ABCB10: variants seen among roughly 807,000 people sequenced by gnomAD.
ABCB10 encodes the protein ATP-binding cassette sub-family B member 10, mitochondrial.
A neutral mutation model predicts 65.4 loss-of-function variants in ABCB10; 54 were observed. The ratio of observed to expected loss-of-function variants is 0.83; its 90% CI spans 0.66 to 1.04. The LOEUF (loss-of-function observed/expected upper bound fraction) is 1.04, where lower values mean the gene tolerates loss of function less well. Ranked by LOEUF, ABCB10 falls within the 50% of genes least tolerant of loss-of-function variation. The pLI is 0.00. For synonymous variants in ABCB10, 418 were observed against 406.5 expected, an observed-to-expected ratio of 1.03 and a Z score of -0.34; for missense variants, 846 against 976.6, an observed-to-expected ratio of 0.87 and a Z score of 1.78.
intron 4 of ABCB10, among the ~76,000 whole-genome samples, 170 bp downstream of exon 4, chr1:229,542,067 T>C (rs778448987): frequency 7.9e-5 from 12 of 152,130 alleles, no homozygotes; most frequent in Non-Finnish European, 1.6e-4. Flanking sequence ...AGAAATCTAG[T>C]CTAGAAAACA....
intron 9 of ABCB10, 61 bp downstream of exon 9, chr1:229,527,168 A>T: frequency 1.4e-6 from 2 of 1,461,594 alleles, no homozygotes; most frequent in Non-Finnish European, 1.9e-6. Context: ...AAAAAAAAAA[A>T]GCAAAAGACA....
chr1:229,545,183 C>G lies in ABCB10; in HGVS notation c.921+2316G>C, dbSNP rs377691670. On this transcript the variant is annotated intron_variant, in intron 3 of 12. Coordinates refer to ENST00000344517, the MANE Select transcript of ABCB10 (RefSeq NM_012089.3). ...CAAAAAGTACCCCAAGTGATTTTTC[C>G]CAGCTTGAACTCTTCCTGATCCCCA... 4.6e-5 allele frequency among the ~76,000 whole-genome samples: 7 copies of G among 152,274 alleles called. No homozygotes were observed. The East Asian group carries it at 5.8e-4, about 13-fold the overall frequency.
chr1:229,534,576 ACAAAAATTAGGC>A (rs1662661919), intron 6 of ABCB10, among the ~76,000 whole-genome samples: 1 of 151,588 alleles, frequency 6.6e-6, no homozygotes, highest in African/African-American at 2.4e-5. Flanking sequence ...AAAAAAAAAT[ACAAAAATTAGGC>A]CAGGCGTGGA....
At chr1:229,546,271 T>C (rs1662965322) in intron 3 of ABCB10, among the ~76,000 whole-genome samples, 1 of 152,180 alleles carries the variant, frequency 6.6e-6, no homozygotes, top group East Asian at 1.9e-4. Flanking sequence ...CATTTCTTTT[T>C]TCTAGCTTAC....
intron 3 of ABCB10, among the ~76,000 whole-genome samples, chr1:229,543,699 A>C (rs561424340): frequency 2.0e-5 from 3 of 152,338 alleles, no homozygotes; most frequent in Admixed American, 2.0e-4. Context: ...TGCAGATGTA[A>C]CACAATCTTG....
At chr1:229,547,792 G>T in intron 2 of ABCB10, 91 bp from the exon 3 acceptor site, 1 of 1,262,846 alleles carries the variant, frequency 7.9e-7, no homozygotes, top group Non-Finnish European at 1.1e-6. Flanking sequence ...GCTTGGCCTG[G>T]AGTTGTAACC....
intron 2 of ABCB10, 58 bp from the exon 3 acceptor site, chr1:229,547,759 G>C: frequency 6.4e-7 from 1 of 1,562,224 alleles, no homozygotes; most frequent in Non-Finnish European, 8.8e-7. Context: ...TACCATTATG[G>C]GGCAGCCACT....
intron 6 of ABCB10, among the ~76,000 whole-genome samples, chr1:229,532,508 G>A (rs1403784348): frequency 6.6e-6 from 1 of 151,516 alleles, no homozygotes; most frequent in Non-Finnish European, 1.5e-5. Flanking sequence ...ACTTTGATAC[G>A]CTACTCACAT....
chr1:229,557,907 A>C (rs969424339), intron 1 of ABCB10, among the ~76,000 whole-genome samples: 14 of 152,232 alleles, frequency 9.2e-5, no homozygotes, highest in Admixed American at 5.2e-4. Flanking sequence ...ACGTGTGTCA[A>C]CAAGAAAACA....
chr1:229,537,798 TAAAC>T (rs199948647), intron 6 of ABCB10, among the ~76,000 whole-genome samples: 507 of 150,936 alleles, frequency 3.4e-3, no homozygotes, highest in Non-Finnish European at 4.4e-3. Context: ...TCCAAATAAA[TAAAC>T]AAACAAACAA....
intron 9 of ABCB10, 50 bp downstream of exon 9, chr1:229,527,179 A>G: frequency 6.5e-7 from 1 of 1,540,928 alleles, no homozygotes; most frequent in Non-Finnish European, 8.8e-7. Context: ...GCAAAAGACA[A>G]AAGTAATTTT....
intron 9 of ABCB10, 35 bp downstream of exon 9, chr1:229,527,194 G>A: frequency 6.7e-7 from 1 of 1,492,060 alleles, no homozygotes; most frequent in Non-Finnish European, 9.2e-7. Flanking sequence ...AATTTTAAAA[G>A]AAAGTGAAAT....
At chr1:229,549,210 A>G (rs1408352951) in intron 2 of ABCB10, 24 bp downstream of exon 2, 1 of 1,612,938 alleles carries the variant, frequency 6.2e-7, no homozygotes, top group South Asian at 1.1e-5. Context: ...GATGACTCAC[A>G]TCCCTGAGAG....
At chr1:229,521,325 TTGA>T in intron 11 of ABCB10, among the ~76,000 whole-genome samples, 1 of 152,200 alleles carries the variant, frequency 6.6e-6, no homozygotes, top group Non-Finnish European at 1.5e-5. Flanking sequence ...TGTATGCTTC[TTGA>T]TGGAGGGTCC....
intron 11 of ABCB10, 123 bp from the exon 12 acceptor site, chr1:229,518,998 G>T: frequency 1.4e-6 from 1 of 739,940 alleles, no homozygotes; most frequent in Non-Finnish European, 2.2e-6. Context: ...GGAAACTTAT[G>T]CTAAGTGAAA....
intron 3 of ABCB10, among the ~76,000 whole-genome samples, chr1:229,545,495 G>A (rs1207926305): frequency 1.3e-5 from 2 of 152,276 alleles, no homozygotes; most frequent in East Asian, 3.9e-4. Context: ...AATGTGGCAG[G>A]TATGACTGAG....
chr1:229,552,548 T>A (rs112824900), intron 1 of ABCB10, among the ~76,000 whole-genome samples: 1 of 152,192 alleles, frequency 6.6e-6, no homozygotes, highest in African/African-American at 2.4e-5. Flanking sequence ...GGAAGGAAAA[T>A]CTGAATTGCA....
chr1:229,558,637 CA>C lies in ABCB10; in HGVS notation c.15del (p.Ala6ProfsTer21). 1.4e-6 allele frequency: 2 copies of C among 1,379,450 alleles called. No homozygotes were observed. 85.5% of individuals were successfully genotyped at this position (1,379,450 alleles called of 1,614,324 possible). On this transcript the variant is annotated frameshift_variant, in exon 1 of 13. Transcript: ENST00000344517. LOFTEE classifies it high-confidence loss of function. MRGP[P>X]AWPLRLLEPP... ...GGCTCGAGCAGCCGCAGCGGCCAGG[CA>C]GGGGGGCCTCGCATGGCGCTGCGTG...
At chr1:229,533,389 G>A (rs547170708) in intron 6 of ABCB10, among the ~76,000 whole-genome samples, 1 of 152,284 alleles carries the variant, frequency 6.6e-6, no homozygotes, top group East Asian at 1.9e-4. Context: ...CTCCCAAAGT[G>A]CTGGGATTAT....
Sources: allele counts gnomAD v4.1 joint callset (sites outside exome capture counted in the v4.1 genomes callset), GRCh38; gene constraint gnomAD v4.1.1; transcripts MANE v1.5; gene names NCBI Gene and HGNC (gene_info 2026-07-23, HGNC 2026-07-21).